Variants in YAP1 observed in about 807,000 individuals in gnomAD.
The protein encoded by YAP1 is Yes1 associated transcriptional regulator, also known as transcriptional coactivator YAP1.
Under a neutral mutation model 56.9 loss-of-function variants are expected in YAP1, and 5 were observed. The ratio of observed to expected loss-of-function variants is 0.09; its 90% CI spans 0.05 to 0.18. YAP1 has a LOEUF of 0.18. YAP1 is among the 10% of genes least tolerant of loss of function. The pLI is 1.00. For synonymous variants in YAP1, 265 were observed against 248.1 expected (o/e 1.07, Z -0.64); for missense variants, 539 against 651.8 (o/e 0.83, Z 1.88).
intron 2 of YAP1, 123 bp downstream of exon 2, chr11:102,114,517 G>A (rs1052366243): frequency 8.5e-7 from 1 of 1,171,886 alleles, no homozygotes; most frequent in African/African-American, 1.5e-5. Flanking sequence ...TTTATGTTAA[G>A]CTCTGTAGCT....
chr11:102,137,874 A>G (rs1944774802), intron 2 of YAP1, among the ~76,000 whole-genome samples: 1 of 151,922 alleles, frequency 6.6e-6, no homozygotes, highest in East Asian at 1.9e-4. Flanking sequence ...GAAGGGAACT[A>G]AGTTCTTTTT....
chr11:102,128,850 T>C (rs1165020953), intron 2 of YAP1, among the ~76,000 whole-genome samples: 2 of 152,196 alleles, frequency 1.3e-5, no homozygotes, highest in African/African-American at 2.4e-5. Flanking sequence ...CTAGTTAATA[T>C]GAACAGCTTT....
intron 2 of YAP1, among the ~76,000 whole-genome samples, chr11:102,145,497 A>G (rs898801189): frequency 6.6e-6 from 1 of 152,176 alleles, no homozygotes; most frequent in African/African-American, 2.4e-5. Flanking sequence ...TCCATTTTTA[A>G]TGTTAAATGT....
At chr11:102,192,415 A>G (rs1948342014) in intron 4 of YAP1, among the ~76,000 whole-genome samples, 2 of 152,192 alleles carry the variant, frequency 1.3e-5, no homozygotes, top group African/African-American at 2.4e-5. Context: ...GTCATTTTCA[A>G]TCTCCTCCAA....
intron 2 of YAP1, among the ~76,000 whole-genome samples, chr11:102,131,285 A>G (rs905736932): frequency 6.6e-6 from 1 of 152,168 alleles, no homozygotes; most frequent in Non-Finnish European, 1.5e-5. Flanking sequence ...ACTCACTATA[A>G]GTGCTTTTGA....
intron 3 of YAP1, among the ~76,000 whole-genome samples, chr11:102,174,599 A>G (rs1217211303): frequency 2.0e-5 from 3 of 152,048 alleles, no homozygotes; most frequent in East Asian, 1.9e-4. Context: ...AAAAAAATCT[A>G]TTATTTGTAA....
intron 2 of YAP1, among the ~76,000 whole-genome samples, chr11:102,146,387 C>A (rs1945323425): frequency 6.6e-6 from 1 of 152,198 alleles, no homozygotes; most frequent in Admixed American, 6.5e-5. Flanking sequence ...GAGACACCAC[C>A]AATTGGATGT....
intron 6 of YAP1, among the ~76,000 whole-genome samples, chr11:102,210,662 G>A (rs1949357736): frequency 6.6e-6 from 1 of 152,196 alleles, no homozygotes; most frequent in Non-Finnish European, 1.5e-5. Context: ...ACTGTGAAGT[G>A]CAGGATAGCA....
intron 2 of YAP1, among the ~76,000 whole-genome samples, chr11:102,119,584 T>C (rs979985071): frequency 2.0e-5 from 3 of 151,572 alleles, no homozygotes; most frequent in Middle Eastern, 3.4e-3. Context: ...TAAAGCTTTA[T>C]CTTAGCCATT....
chr11:102,181,679 C>G (rs556909246), intron 3 of YAP1, among the ~76,000 whole-genome samples: 1 of 152,154 alleles, frequency 6.6e-6, no homozygotes, highest in East Asian at 1.9e-4. Flanking sequence ...TCCTAGCAGA[C>G]GTGACTGTGT....
At chr11:102,179,073 C>T (rs1023442791) in intron 3 of YAP1, among the ~76,000 whole-genome samples, 2 of 148,986 alleles carry the variant, frequency 1.3e-5, no homozygotes, top group Admixed American at 6.7e-5. Context: ...AGTCACCCCC[C>T]ACCAGGCCCC....
At chr11:102,149,714 G>T (rs971102487) in intron 2 of YAP1, among the ~76,000 whole-genome samples, 2 of 152,098 alleles carry the variant, frequency 1.3e-5, no homozygotes, top group African/African-American at 2.4e-5. Flanking sequence ...GGAAAGGAAC[G>T]ATGAATACCT....
rs572204816 is a variant in YAP1, at chr11:102,184,568, A to G, written c.689-1450A>G. Among the ~76,000 whole-genome samples, 29 of 152,296 alleles carry G rather than the reference A, an allele frequency of 1.9e-4. No homozygotes were observed. The South Asian group carries it at 3.5e-3, about 18-fold the overall frequency. On this transcript the variant is annotated intron_variant, in intron 3 of 8. Coordinates refer to ENST00000282441, the MANE Select transcript of YAP1 (RefSeq NM_001130145.3). ...TTTCCTAACAGGATTTTACCCCATC[A>G]AAGTAGACCTTTGAAAATGCAGCTG...
chr11:102,119,731 A>G (rs1008058488), intron 2 of YAP1, among the ~76,000 whole-genome samples: 1 of 152,096 alleles, frequency 6.6e-6, no homozygotes, highest in Admixed American at 6.6e-5. Flanking sequence ...TAGAAAAATA[A>G]TGTGAATTCA....
At chr11:102,159,501 T>G (rs1339735136) in intron 2 of YAP1, among the ~76,000 whole-genome samples, 1 of 152,240 alleles carries the variant, frequency 6.6e-6, no homozygotes, top group Non-Finnish European at 1.5e-5. Context: ...AAACTAGACC[T>G]GTCATCTTCA....
intron 3 of YAP1, among the ~76,000 whole-genome samples, chr11:102,179,872 C>G (rs1193002430): frequency 6.6e-6 from 1 of 152,044 alleles, no homozygotes; most frequent in African/African-American, 2.4e-5. Flanking sequence ...TGCTATATCC[C>G]TGTCCCTTCA....
intron 3 of YAP1, among the ~76,000 whole-genome samples, chr11:102,168,732 T>C (rs575368710): frequency 6.6e-6 from 1 of 152,316 alleles, no homozygotes; most frequent in African/African-American, 2.4e-5. Flanking sequence ...TAGAGCTGCC[T>C]TAAGGTTTGC....
chr11:102,111,113 C>T lies in YAP1; in HGVS notation c.265C>T (p.Arg89Trp). ...GCCCCAGACCGTGCCCATGAGGCTC[C>T]GGAAGCTGCCCGACTCCTTCTTCAA... The part of the protein sequence containing the change: ...NVPQTVPMRL[R>W]KLPDSFFKPP... The change falls in exon 1 of 9, where the codon CGG (arginine) becomes TGG (tryptophan). Residue 89 changes from arginine (R) to tryptophan (W), a missense_variant. Arg to Trp is a moderately radical substitution (Grantham distance 101, BLOSUM62 -3). Around this residue, in one of 4 missense-constraint regions of YAP1, gnomAD observed 414 missense variants for 512.4 expected, o/e 0.81. Transcript: ENST00000282441. 1 of 1,613,402 alleles carries T rather than the reference C, an allele frequency of 6.2e-7. No individual in the cohort carries two copies. Among genetic ancestry groups the T allele is most frequent in the African/African-American group, 1.3e-5 (1 of 75,050 alleles).
Position 102,230,029 on chromosome 11 carries a change from G to A in YAP1, c.*89G>A, listed in dbSNP as rs1160461035. The A allele has an allele frequency of 9.0e-7, 1 of 1,110,948 alleles. No individual in the cohort carries two copies. Among genetic ancestry groups the A allele is most frequent in the Non-Finnish European group, 1.3e-6 (1 of 755,382 alleles). The allele number at this position is 1,110,948 out of a possible 1,614,324, so 68.8% of individuals were successfully genotyped here. ...TTCCATAAGCCAGTTGCAGTTTTCA[G>A]GCTAATACAGAAAAAGATGAACAAA... On this transcript the variant is annotated 3_prime_UTR_variant, in exon 9 of 9. Transcript: ENST00000282441.
Sources: allele counts gnomAD v4.1 joint callset (sites outside exome capture counted in the v4.1 genomes callset), GRCh38; gene constraint gnomAD v4.1.1; regional missense constraint gnomAD v4.1.1; transcripts MANE v1.5; gene names NCBI Gene and HGNC (gene_info 2026-07-23, HGNC 2026-07-21).